Variants in ADCY3 observed in about 807,000 individuals in gnomAD.
ADCY3 encodes adenylate cyclase type 3.
A neutral mutation model predicts 119.4 loss-of-function variants in ADCY3; 70 were observed. The ratio of observed to expected loss-of-function variants is 0.59; its 90% confidence interval spans 0.48 to 0.72. The LOEUF (loss-of-function observed/expected upper bound fraction) is 0.72. ADCY3 is among the 30% of genes least tolerant of loss of function. ADCY3 has a pLI of 0.00. For missense variants in ADCY3, 1,238 were observed against 1,541.6 expected, an observed-to-expected ratio of 0.80 and a Z score of 3.30; for synonymous variants, 672 against 621.4, an observed-to-expected ratio of 1.08 and a Z score of -1.21.
At position 24,872,977 on chromosome 2, in the gene ADCY3, G is replaced by A. The variant is rs1375005620; in HGVS notation, c.676-258C>T. Among the ~76,000 whole-genome samples the A allele has an allele frequency of 6.6e-6, 1 of 152,242 alleles. No homozygotes were observed. The highest frequency in any genetic ancestry group is 1.5e-5 in the Non-Finnish European group (1 of 68,040). ...TCAAGGGTTCCACGAGGGGCAGGGT[G>A]CAGGCGTTCAAGCCTGGCTGAGGGG... On this transcript the variant is annotated intron_variant, in intron 2 of 21. Transcript: ENST00000679454. This position sits in a 1 kb window ranked among gnomAD's most constrained non-coding sequence, Gnocchi z 4.4.
chr2:24,822,258 G>C (rs912632850), intron 19 of ADCY3: 1 of 393,726 alleles, frequency 2.5e-6, no homozygotes, highest in Non-Finnish European at 4.6e-6. Flanking sequence ...AGAGCCTTAG[G>C]GGGCCTGGCC....
chr2:24,902,492 C>T (rs1192731054), intron 2 of ADCY3, among the ~76,000 whole-genome samples: 1 of 152,124 alleles, frequency 6.6e-6, no homozygotes, highest in African/African-American at 2.4e-5. Context: ...GTGCCCCATC[C>T]AAGTCAACTT....
At chr2:24,859,792 G>A (rs1294851753) in intron 3 of ADCY3, among the ~76,000 whole-genome samples, 2 of 152,142 alleles carry the variant, frequency 1.3e-5, no homozygotes, top group Admixed American at 6.6e-5. Flanking sequence ...GGTGGGGAGA[G>A]GCAGCTGTGT....
Position 24,839,997 on chromosome 2 carries a change from T to C in ADCY3, c.1231A>G (p.Met411Val), listed in dbSNP as rs1330483327. 6.2e-7 allele frequency: 1 copy of C among 1,613,524 alleles called. No individual in the cohort carries two copies. ...VREKTKTGVD[M>V]RVGVHTGTVL... The stretch of plus-strand genomic sequence containing the variant: ...GTGCCCGTGTGCACCCCCACACGCA[T>C]GTCCACCCCAGTCTTGGTCTTCTCC... The change falls in exon 7 of 22, where the codon ATG (methionine) becomes GTG (valine). Residue 411 changes from methionine (M) to valine (V), a missense_variant. Met to Val is a conservative substitution (Grantham distance 21). Around this residue, in one of 7 missense-constraint regions of ADCY3, gnomAD observed 283 missense variants for 437.2 expected, o/e 0.65. Transcript: ENST00000679454.
chr2:24,874,128 C>G (rs1465466254), intron 2 of ADCY3, among the ~76,000 whole-genome samples: 1 of 152,198 alleles, frequency 6.6e-6, no homozygotes, highest in East Asian at 1.9e-4. Context: ...AACACTTGCC[C>G]TGAGGATCAA....
chr2:24,871,226 CAG>C (rs1272204733), intron 3 of ADCY3, among the ~76,000 whole-genome samples: 3 of 150,560 alleles, frequency 2.0e-5, no homozygotes, highest in Non-Finnish European at 2.9e-5. Context: ...TAAAAAAAAA[CAG>C]AGTTGAAGAA....
chr2:24,824,711 A>C (rs1423702730), intron 16 of ADCY3, among the ~76,000 whole-genome samples, 175 bp from the exon 17 acceptor site: 1 of 152,198 alleles, frequency 6.6e-6, no homozygotes, highest in Non-Finnish European at 1.5e-5. Flanking sequence ...CAACATGGTG[A>C]AACCCTGTCT....
rs767084887 is a variant in ADCY3 at position 24,918,395 on chromosome 2, C to A, written c.593G>T (p.Cys198Phe). 3.7e-6 allele frequency: 6 copies of A among 1,613,602 alleles called. No individual in the cohort carries two copies. The highest frequency in any genetic ancestry group is 1.3e-5 in the African/African-American group (1 of 74,906). The part of the protein sequence containing the change: ...SPIVIISVVS[C>F]VVHTLVLGVT... ...CCCCAGGACCAACGTGTGCACCACACAGGAGACCACGGAGATGATCACGAT... is the reference window on the plus strand; with the variant it reads ...CCCCAGGACCAACGTGTGCACCACAAAGGAGACCACGGAGATGATCACGAT... The change falls in exon 2 of 22, where the codon TGT becomes TTT. Residue 198 changes from cysteine to phenylalanine, a missense_variant. This residue lies in a region of ADCY3 where 283 missense variants were observed against 437.2 expected (regional missense o/e 0.65). Coordinates refer to ENST00000679454, the MANE Select transcript of ADCY3 (RefSeq NM_004036.5). This position sits in a 1 kb window ranked among gnomAD's most constrained non-coding sequence, Gnocchi z 5.4.
At chr2:24,828,350 C>T (rs1183711761) in intron 13 of ADCY3, among the ~76,000 whole-genome samples, 189 bp from the exon 14 acceptor site, 1 of 152,190 alleles carries the variant, frequency 6.6e-6, no homozygotes, top group African/African-American at 2.4e-5. Context: ...AAGAGCCTCG[C>T]CGTTGCCTCA....
At chr2:24,849,688 G>A (rs1031243647) in intron 3 of ADCY3, among the ~76,000 whole-genome samples, 6 of 152,198 alleles carry the variant, frequency 3.9e-5, no homozygotes, top group Non-Finnish European at 7.3e-5. Context: ...GTAACAAGAC[G>A]AGTTTTAAAC....
chr2:24,853,459 C>T (rs987474276), intron 3 of ADCY3, among the ~76,000 whole-genome samples: 25 of 149,048 alleles, frequency 1.7e-4, no homozygotes, highest in African/African-American at 5.5e-4. Flanking sequence ...GATTGAAACG[C>T]GCCTCATCTT....
intron 3 of ADCY3, among the ~76,000 whole-genome samples, chr2:24,855,083 C>T (rs1471748715): frequency 6.6e-6 from 1 of 152,124 alleles, no homozygotes; most frequent in East Asian, 1.9e-4. Context: ...AAAATGAATT[C>T]CCAGCATAAA....
chr2:24,913,321 TC>T (rs5829949), intron 2 of ADCY3, among the ~76,000 whole-genome samples: 79,225 of 152,066 alleles, frequency 0.52, 22,795 homozygotes, highest in African/African-American at 0.78. Context: ...GCTTCTCCCT[TC>T]TTTGCATCCA....
chr2:24,837,688 C>T (rs1175421098), intron 8 of ADCY3, among the ~76,000 whole-genome samples: 5 of 152,156 alleles, frequency 3.3e-5, no homozygotes, highest in Non-Finnish European at 1.5e-5. Flanking sequence ...AAGACAACCT[C>T]CAGATTCAGC....
At chr2:24,889,091 A>G (rs1054140438) in intron 2 of ADCY3, among the ~76,000 whole-genome samples, 2 of 152,218 alleles carry the variant, frequency 1.3e-5, no homozygotes, top group African/African-American at 4.8e-5. Flanking sequence ...TGCTAACACT[A>G]TCTTCAGCTT....
intron 3 of ADCY3, among the ~76,000 whole-genome samples, chr2:24,869,506 A>G (rs1674707829): frequency 6.6e-6 from 1 of 152,098 alleles, no homozygotes; most frequent in South Asian, 2.1e-4. Flanking sequence ...CCTGGGCTCA[A>G]GCGATCCTCC....
chr2:24,913,203 G>A (rs1573068979), intron 2 of ADCY3, among the ~76,000 whole-genome samples: 1 of 152,188 alleles, frequency 6.6e-6, no homozygotes, highest in Admixed American at 6.5e-5. Flanking sequence ...AAGCCCCCAG[G>A]CCTGCTGCTT....
intron 3 of ADCY3, among the ~76,000 whole-genome samples, chr2:24,870,130 G>C (rs955024877): frequency 6.6e-6 from 1 of 150,436 alleles, no homozygotes; most frequent in Non-Finnish European, 1.5e-5. Flanking sequence ...TGGCCAACAT[G>C]GTGAAACCCC....
chr2:24,912,584 T>C (rs1558528878), intron 2 of ADCY3, among the ~76,000 whole-genome samples: 1 of 39,880 alleles, frequency 2.5e-5, no homozygotes, highest in Non-Finnish European at 4.6e-5. Context: ...TGTGTGTGTG[T>C]GCATGTGTGT....
Sources: allele counts gnomAD v4.1 joint callset (sites outside exome capture counted in the v4.1 genomes callset), GRCh38; gene constraint gnomAD v4.1.1; regional missense constraint gnomAD v4.1.1; non-coding constraint Gnocchi (gnomAD v3.1); transcripts MANE v1.5; gene names NCBI Gene and HGNC (gene_info 2026-07-23, HGNC 2026-07-21).